Variants in ANKRD30B observed in about 807,000 individuals in gnomAD.
The protein encoded by ANKRD30B is ankyrin repeat domain-containing protein 30B.
Under a neutral mutation model 202.2 loss-of-function variants are expected in ANKRD30B, and 144 were observed. The observed-to-expected ratio is 0.71, with a 90% CI of 0.62 to 0.82. The LOEUF (loss-of-function observed/expected upper bound fraction) is 0.82, where lower values mean the gene tolerates loss of function less well. ANKRD30B is among the 40% of genes least tolerant of loss of function. ANKRD30B has a pLI of 0.00. For synonymous variants in ANKRD30B, 508 were observed against 561.3 expected, an observed-to-expected ratio of 0.91 and a Z score of 1.34; for missense variants, 1,487 against 1,669.1, an observed-to-expected ratio of 0.89 and a Z score of 1.90.
chr18:14,810,022 C>G lies in ANKRD30B; in HGVS notation c.2415+8C>G. The G allele has an allele frequency of 1.4e-6, 2 of 1,436,454 alleles. No individual in the cohort carries two copies. Among genetic ancestry groups the G allele is most frequent in the Non-Finnish European group, 1.9e-6 (2 of 1,029,610 alleles). 89.0% of individuals were successfully genotyped at this position (1,436,454 alleles called of 1,614,324 possible). On this transcript the variant is annotated splice_region_variant and intron_variant, in intron 27 of 43. Transcript: ENST00000690538. ...AAAGATGGTCTTCTGAAGGTAATAACTTTTATATTTTTATCTTGAATATTA... is the reference window on the plus strand; with the variant it reads ...AAAGATGGTCTTCTGAAGGTAATAAGTTTTATATTTTTATCTTGAATATTA...
the ANKRD30B span, among the ~76,000 whole-genome samples, chr18:14,866,347 G>T: frequency 7.9e-5 from 12 of 152,202 alleles, no homozygotes; most frequent in Middle Eastern, 3.4e-3. Flanking sequence ...GGCCTGAGTG[G>T]TAGGAGGGTG....
chr18:14,932,145 C>T, the ANKRD30B span, among the ~76,000 whole-genome samples: 1 of 150,574 alleles, frequency 6.6e-6, no homozygotes, highest in Non-Finnish European at 1.5e-5. Flanking sequence ...GCCCAGGTCA[C>T]CATCCTTCTC....
At chr18:14,828,407 G>C in intron 33 of ANKRD30B, 99 bp downstream of exon 33, 2 of 863,560 alleles carry the variant, frequency 2.3e-6, no homozygotes, top group Non-Finnish European at 3.5e-6. Flanking sequence ...GCTAGACAAC[G>C]TATTATGTGC....
At chr18:14,794,821 A>G (rs145017623) in intron 16 of ANKRD30B, among the ~76,000 whole-genome samples, 2,463 of 152,312 alleles carry the variant, frequency 0.016, 70 homozygotes, top group African/African-American at 0.056. Context: ...TCCAAAGGAA[A>G]CAACATATAT....
chr18:14,822,703 T>C (rs776998879), intron 32 of ANKRD30B, 26 bp downstream of exon 32: 8 of 1,123,354 alleles, frequency 7.1e-6, no homozygotes, highest in Non-Finnish European at 1.0e-5. Context: ...TTAATTTTAC[T>C]GTGGAATTAA....
At chr18:14,753,724 TA>T (rs1913852970) in intron 3 of ANKRD30B, among the ~76,000 whole-genome samples, 1 of 152,164 alleles carries the variant, frequency 6.6e-6, no homozygotes, top group Non-Finnish European at 1.5e-5. Flanking sequence ...AATAATCTTT[TA>T]TTAGAATGCC....
At chr18:14,816,075 C>T (rs1423908548) in intron 30 of ANKRD30B, 1 of 152,122 alleles carries the variant, frequency 6.6e-6, no homozygotes, top group Non-Finnish European at 1.5e-5. Flanking sequence ...TATTAAAGAA[C>T]ATGGTGAATA....
chr18:14,914,879 G>A, the ANKRD30B span, among the ~76,000 whole-genome samples: 1 of 152,114 alleles, frequency 6.6e-6, no homozygotes, highest in Non-Finnish European at 1.5e-5. Flanking sequence ...TCAGAAGAGA[G>A]GTCTGGACGA....
chr18:14,860,901 A>G, the ANKRD30B span, among the ~76,000 whole-genome samples: 1 of 152,148 alleles, frequency 6.6e-6, no homozygotes, highest in South Asian at 2.1e-4. Context: ...GAGTTTCTTC[A>G]TGTTGGCCAG....
the ANKRD30B span, among the ~76,000 whole-genome samples, chr18:14,886,759 A>G: frequency 6.6e-6 from 1 of 152,146 alleles, no homozygotes; most frequent in African/African-American, 2.4e-5. Context: ...AAGGAAACAC[A>G]TATGAAAGAC....
downstream of ANKRD30B, among the ~76,000 whole-genome samples, chr18:14,856,557 C>T (rs1222179616): frequency 7.8e-5 from 10 of 128,842 alleles, no homozygotes; most frequent in Non-Finnish European, 1.8e-4. Context: ...AGAGGCGCTC[C>T]TCACTTCCCA....
chr18:14,796,313 A>G (rs564302438), intron 17 of ANKRD30B, 30 bp from the exon 18 acceptor site: 8 of 1,608,920 alleles, frequency 5.0e-6, no homozygotes, highest in Non-Finnish European at 5.9e-6. Flanking sequence ...TATATTATGT[A>G]TTAATTTTTG....
rs182668988 is a variant in ANKRD30B at position 14,849,560 on chromosome 18, T to G, written c.3395+631T>G. Among the ~76,000 whole-genome samples, 219 of 151,840 alleles carry G rather than the reference T, an allele frequency of 1.4e-3. 1 individual carries two copies. Among genetic ancestry groups the G allele is most frequent in the African/African-American group, 5.1e-3 (211 of 41,556 alleles). On this transcript the variant is annotated intron_variant, in intron 40 of 43. Transcript: ENST00000690538. ...ATAAAATTAATTCAGAGTTCTAGGT[T>G]AAAAATACATATTATTTTTAGTCTT...
At chr18:14,841,027 G>A (rs1428734933) in intron 37 of ANKRD30B, among the ~76,000 whole-genome samples, 1 of 152,174 alleles carries the variant, frequency 6.6e-6, no homozygotes, top group African/African-American at 2.4e-5. Flanking sequence ...TTTAGAGAAA[G>A]ATAGAGCATG....
At chr18:14,820,332 T>G (rs1333610196) in intron 30 of ANKRD30B, among the ~76,000 whole-genome samples, 1 of 152,218 alleles carries the variant, frequency 6.6e-6, no homozygotes, top group Non-Finnish European at 1.5e-5. Context: ...ACTTCCTCTT[T>G]TCCTAATTAA....
chr18:14,873,474 G>A, the ANKRD30B span, among the ~76,000 whole-genome samples: 10 of 147,962 alleles, frequency 6.8e-5, no homozygotes, highest in African/African-American at 1.8e-4. Context: ...GCAGTGAGCC[G>A]AGATGGTGCC....
chr18:14,876,266 T>C, the ANKRD30B span, among the ~76,000 whole-genome samples: 1 of 152,166 alleles, frequency 6.6e-6, no homozygotes, highest in South Asian at 2.1e-4. Context: ...GTTCTCTGAA[T>C]CTCAGTTTCC....
At chr18:14,845,905 T>C (rs1971617963) in intron 39 of ANKRD30B, among the ~76,000 whole-genome samples, 1 of 152,162 alleles carries the variant, frequency 6.6e-6, no homozygotes, top group African/African-American at 2.4e-5. Flanking sequence ...AATCCATTTA[T>C]GAAGGGTTGG....
chr18:14,860,252 G>A, the ANKRD30B span, among the ~76,000 whole-genome samples: 143 of 142,528 alleles, frequency 1.0e-3, 1 homozygote, highest in African/African-American at 3.2e-3. Context: ...GGGCAAAGGC[G>A]CTCCCCACTT....
Sources: gnomAD v4.1 joint callset for allele counts (sites outside exome capture counted in the v4.1 genomes callset) on GRCh38, gnomAD v4.1.1 for gene constraint, MANE v1.5 for transcripts, NCBI Gene and HGNC (gene_info 2026-07-23, HGNC 2026-07-21) for gene names.